The following PRKG2 variants were observed in gnomAD, a reference collection of about 807,000 sequenced individuals.
The protein encoded by PRKG2 is cGMP-dependent protein kinase 2.
In PRKG2, 33 loss-of-function variants were observed where a neutral mutation model predicts 97.2. That is an observed-to-expected ratio of 0.34 (90% CI 0.26 to 0.45). The LOEUF is 0.45. Among genes scored for constraint, PRKG2 ranks in the 20% least tolerant of loss-of-function variants. PRKG2 has a pLI of 1.00. For missense variants in PRKG2, 638 were observed against 900.0 expected, an observed-to-expected ratio of 0.71 and a Z score of 3.73; for synonymous variants, 330 against 321.8, an observed-to-expected ratio of 1.03 and a Z score of -0.27.
At chr4:81,155,067 A>C (rs1185579860) in intron 6 of PRKG2, among the ~76,000 whole-genome samples, 22 of 149,034 alleles carry the variant, frequency 1.5e-4, no homozygotes, top group Admixed American at 1.3e-3. Flanking sequence ...AGTCCCAGCT[A>C]CTTGGGAGGC....
At chr4:81,165,890 C>G (rs986780964) in intron 6 of PRKG2, among the ~76,000 whole-genome samples, 30 of 151,698 alleles carry the variant, frequency 2.0e-4, no homozygotes, top group Admixed American at 1.8e-3. Flanking sequence ...TGAATCTACT[C>G]TATTAGTATT....
chr4:81,145,503 ACAT>A lies in PRKG2; in HGVS notation c.1155-1176_1155-1174del, dbSNP rs529032279. ...TTAGTAGTTCTCTGAGGATCAGCCA[ACAT>A]CTCATTACCTTTCTCACCCTTCCTG... On this transcript the variant is annotated intron_variant, in intron 9 of 18. Coordinates refer to ENST00000264399, the MANE Select transcript of PRKG2 (RefSeq NM_006259.3). Among the ~76,000 whole-genome samples the A allele has an allele frequency of 1.3e-4, 20 of 152,270 alleles. No homozygotes were observed. The East Asian group carries it at 3.1e-3, about 24-fold the overall frequency.
At chr4:81,094,769 A>T (rs1394036637) in intron 17 of PRKG2, among the ~76,000 whole-genome samples, 7 of 152,026 alleles carry the variant, frequency 4.6e-5, no homozygotes, top group African/African-American at 1.7e-4. Context: ...GCTGAAGTGT[A>T]GTGAATGCAG....
chr4:81,199,522 A>G (rs1753171278), intron 2 of PRKG2, among the ~76,000 whole-genome samples: 1 of 152,158 alleles, frequency 6.6e-6, no homozygotes, highest in Non-Finnish European at 1.5e-5. Flanking sequence ...AACCTTTGGC[A>G]GGTTATATAA....
intron 14 of PRKG2, among the ~76,000 whole-genome samples, chr4:81,115,755 G>C (rs1047381727): frequency 6.6e-6 from 1 of 152,114 alleles, no homozygotes; most frequent in Non-Finnish European, 1.5e-5. Context: ...AAAGAAGTCT[G>C]AGATATACTG....
intron 1 of PRKG2, among the ~76,000 whole-genome samples, chr4:81,206,248 T>A (rs1753642006): frequency 6.6e-6 from 1 of 152,208 alleles, no homozygotes; most frequent in South Asian, 2.1e-4. Context: ...CATGCAGTTT[T>A]TGACAGCTGA....
Position 81,206,295 on chromosome 4 carries a change from G to T in PRKG2, c.-13-1235C>A, listed in dbSNP as rs556090557. Reference sequence around the variant, plus strand: ...TGTGTCCCCACCCAAATCTCATCTTGAACTGTAGCTCCCATAAATCCCCAT... The same window carrying T: ...TGTGTCCCCACCCAAATCTCATCTTTAACTGTAGCTCCCATAAATCCCCAT... On this transcript the variant is annotated intron_variant, in intron 1 of 18. Transcript: ENST00000264399. Among the ~76,000 whole-genome samples, 23 of 152,222 alleles carry T rather than the reference G, an allele frequency of 1.5e-4. 2 individuals carry two copies. In the South Asian group the frequency reaches 4.8e-3, roughly 32 times the overall value.
chr4:81,104,344 T>G (rs923185251), intron 17 of PRKG2, 26 bp downstream of exon 17: 3 of 1,486,846 alleles, frequency 2.0e-6, no homozygotes, highest in Middle Eastern at 1.8e-4. Flanking sequence ...TTCTATATTT[T>G]TCTGGGCAAA....
intron 2 of PRKG2, among the ~76,000 whole-genome samples, chr4:81,203,220 T>A (rs1485451707): frequency 6.6e-6 from 1 of 152,076 alleles, no homozygotes; most frequent in Non-Finnish European, 1.5e-5. Context: ...ATTATTACTT[T>A]TGAAAGGAAA....
Position 81,153,443 on chromosome 4 carries a change from G to A in PRKG2, c.990+201C>T, listed in dbSNP as rs1748618730. On this transcript the variant is annotated intron_variant, in intron 7 of 18. Transcript: ENST00000264399. ...CAAGTGACCTACATAACATCACTAA[G>A]AAGTTATTATTTCTTAGGGGGTCCT... 4 of 486,956 alleles carry A rather than the reference G, an allele frequency of 8.2e-6. No homozygotes were observed. In the Admixed American group the frequency reaches 1.0e-4, roughly 13 times the overall value. The allele number at this position is 486,956 out of a possible 1,614,324, so 30.2% of individuals were successfully genotyped here.
chr4:81,099,864 G>C (rs1303963499), intron 17 of PRKG2, among the ~76,000 whole-genome samples: 1 of 152,138 alleles, frequency 6.6e-6, no homozygotes, highest in Non-Finnish European at 1.5e-5. Context: ...CTTCAGCAAA[G>C]TCTCAGGATA....
intron 17 of PRKG2, among the ~76,000 whole-genome samples, chr4:81,102,417 A>G (rs1742896091): frequency 6.6e-6 from 1 of 152,340 alleles, no homozygotes; most frequent in Non-Finnish European, 1.5e-5. Flanking sequence ...GAATGGCTTT[A>G]ATTGACAGAG....
chr4:81,202,977 A>T (rs1753410793), intron 2 of PRKG2, among the ~76,000 whole-genome samples: 1 of 152,012 alleles, frequency 6.6e-6, no homozygotes, highest in Non-Finnish European at 1.5e-5. Flanking sequence ...CTGCATAAAA[A>T]AGTACATTGC....
rs1417675521 is a variant in PRKG2 at position 81,092,161 on chromosome 4, T to C, written c.2193+225A>G. 3.3e-5 allele frequency among the ~76,000 whole-genome samples: 5 copies of C among 152,220 alleles called. No individual in the cohort carries two copies. In the East Asian group the frequency reaches 7.7e-4, roughly 23 times the overall value. On this transcript the variant is annotated intron_variant, in intron 18 of 18. Coordinates refer to ENST00000264399, the MANE Select transcript of PRKG2 (RefSeq NM_006259.3). The stretch of plus-strand genomic sequence containing the variant: ...CTTTGGGACTTAAGTGGCACTGACA[T>C]GTATTTGGTTCTTGACAGGTAAGTT...
rs1450905255 is a variant in PRKG2 at position 81,099,372 on chromosome 4, G to C, written c.2126+4998C>G. On this transcript the variant is annotated intron_variant, in intron 17 of 18. Coordinates refer to ENST00000264399, the MANE Select transcript of PRKG2 (RefSeq NM_006259.3). ...CAAAAAGCTTATCCACCATGATCAA[G>C]TGGGCTTCATCCCTGGGATGCAAGG... is the stretch of plus-strand genomic sequence containing the variant. 2.6e-5 allele frequency among the ~76,000 whole-genome samples: 4 copies of C among 152,236 alleles called. No homozygotes were observed. In the Middle Eastern group the frequency reaches 0.01, roughly 388 times the overall value.
chr4:81,162,165 A>G (rs1349765936), intron 6 of PRKG2, among the ~76,000 whole-genome samples: 1 of 152,146 alleles, frequency 6.6e-6, no homozygotes, highest in African/African-American at 2.4e-5. Flanking sequence ...TTGTTTGAGG[A>G]CTAGTTAAGA....
intron 11 of PRKG2, 27 bp downstream of exon 11, chr4:81,142,767 C>G: frequency 6.6e-7 from 1 of 1,521,328 alleles, no homozygotes; most frequent in Non-Finnish European, 8.9e-7. Flanking sequence ...AGGCTTCTCT[C>G]AGATGCTTGA....
intron 6 of PRKG2, among the ~76,000 whole-genome samples, chr4:81,154,446 A>G (rs1427015162): frequency 3.3e-5 from 5 of 150,714 alleles, no homozygotes; most frequent in Non-Finnish European, 7.3e-5. Context: ...CTGCCTCCTC[A>G]AGTGGGTCCC....
At chr4:81,216,975 G>A (rs1325225959), upstream of PRKG2, among the ~76,000 whole-genome samples, 2 of 145,522 alleles carry the variant, frequency 1.4e-5, no homozygotes, top group Non-Finnish European at 3.0e-5. Flanking sequence ...TTTTTCAGGT[G>A]ATAGGTACAC....
Sources: allele counts gnomAD v4.1 joint callset (sites outside exome capture counted in the v4.1 genomes callset), GRCh38; gene constraint gnomAD v4.1.1; transcripts MANE v1.5; gene names NCBI Gene and HGNC (gene_info 2026-07-23, HGNC 2026-07-21).